Variants in BAZ2B observed in about 807,000 individuals in gnomAD.
BAZ2B encodes bromodomain adjacent to zinc finger domain protein 2B.
BAZ2B carries 91 observed loss-of-function variants against 246.0 expected under a neutral mutation model. The observed-to-expected ratio is 0.37, with a 90% confidence interval of 0.31 to 0.44. BAZ2B has a LOEUF of 0.44. BAZ2B is among the 20% of genes least tolerant of loss of function. The probability of loss-of-function intolerance (pLI) is 1.00; values close to 1 mark genes in which losing one functional copy is unlikely to be tolerated. For missense variants in BAZ2B, 2,332 were observed against 2,533.7 expected (o/e 0.92, Z 1.71); for synonymous variants, 855 against 860.0 (o/e 0.99, Z 0.10).
chr2:159,478,645 C>T lies in BAZ2B; in HGVS notation c.75G>A (p.Val25=), dbSNP rs771877239. The T allele has an allele frequency of 6.2e-7, 1 of 1,611,236 alleles. No homozygotes were observed. The highest frequency in any genetic ancestry group is 8.5e-7 in the Non-Finnish European group (1 of 1,178,334). The stretch of plus-strand genomic sequence containing the variant: ...GGCCACCTTTTGAAACTACTGAAGC[C>T]ACAGAAGGTGTCGAAGATGAAGTTG... ...TTPTSSSTPS[V]ASVVSKGGLS... The change falls in exon 3 of 37, where the codon GTG becomes GTA. Residue 25 remains valine, a synonymous_variant. Transcript: ENST00000392783.
chr2:159,376,401 A>C (rs1037881293), intron 25 of BAZ2B, among the ~76,000 whole-genome samples: 3 of 151,504 alleles, frequency 2.0e-5, no homozygotes, highest in African/African-American at 4.8e-5. Context: ...CTACCCAATG[A>C]AAAAAAAAGT....
rs562382399 is a variant in BAZ2B at position 159,323,149 on chromosome 2, T to TA, written c.6353+1661dup. ...ACAGGCATACACCACCATGCCCAGC[T>TA]AATTTTTGTACTTTTAGTAGAGATG... On this transcript the variant is annotated intron_variant, in intron 36 of 36. Transcript: ENST00000392783. Among the ~76,000 whole-genome samples, 300 of 152,100 alleles carry TA rather than the reference T, an allele frequency of 2.0e-3. 1 individual carries two copies. Among genetic ancestry groups the TA allele is most frequent in the African/African-American group, 7.0e-3 (289 of 41,518 alleles).
intron 18 of BAZ2B, 145 bp from the exon 19 acceptor site, chr2:159,397,534 T>C (rs1414100155): frequency 1.6e-5 from 8 of 486,806 alleles, no homozygotes; most frequent in Middle Eastern, 5.4e-4. Context: ...ATTTTTTATT[T>C]ATAAAATGTC....
chr2:159,348,381 C>T (rs1310013039), intron 30 of BAZ2B, among the ~76,000 whole-genome samples: 1 of 151,018 alleles, frequency 6.6e-6, no homozygotes, highest in African/African-American at 2.4e-5. Flanking sequence ...GTACATCCTC[C>T]CATATGCTTC....
At chr2:159,437,134 G>A (rs1249419361) in intron 8 of BAZ2B, among the ~76,000 whole-genome samples, 1 of 152,170 alleles carries the variant, frequency 6.6e-6, no homozygotes, top group Non-Finnish European at 1.5e-5. Context: ...TGCCCTACAA[G>A]TGATATCTAA....
the BAZ2B span, among the ~76,000 whole-genome samples, chr2:159,628,585 A>C: frequency 6.6e-6 from 1 of 152,242 alleles, no homozygotes; most frequent in African/African-American, 2.4e-5. Flanking sequence ...TTCCCTATTT[A>C]ATAAATGGTG....
At chr2:159,446,656 G>A (rs1443696587) in intron 6 of BAZ2B, 126 bp downstream of exon 6, 27 of 780,748 alleles carry the variant, frequency 3.5e-5, no homozygotes, top group Admixed American at 1.2e-4. Flanking sequence ...CATAAATCAC[G>A]TATCTATAAA....
chr2:159,319,797 C>T lies in BAZ2B; in HGVS notation c.*468G>A, dbSNP rs1010388036. The T allele has an allele frequency of 1.5e-4, 23 of 152,430 alleles. No individual in the cohort carries two copies. The highest frequency in any genetic ancestry group is 5.3e-4 in the African/African-American group (22 of 41,382). 9.4% of individuals were successfully genotyped at this position (152,430 alleles called of 1,614,324 possible). A position where few individuals can be genotyped will look rare whatever the true frequency, so the allele number is the denominator to read the frequency against. ...GCAATTTTCTAGTTCTTCCTTTTCA[C>T]AGAAAACGAAGATTCTGGATGTGGT... On this transcript the variant is annotated 3_prime_UTR_variant, in exon 37 of 37. Transcript: ENST00000392783. The surrounding 1 kb of genome is among the most constrained non-coding windows in gnomAD (Gnocchi z 4.0).
chr2:159,550,339 C>T (rs1478335914), intron 2 of BAZ2B, among the ~76,000 whole-genome samples: 2 of 152,134 alleles, frequency 1.3e-5, no homozygotes, highest in Non-Finnish European at 2.9e-5. Context: ...TTTCTTACTG[C>T]TGCTTTACCC....
intron 2 of BAZ2B, among the ~76,000 whole-genome samples, chr2:159,493,152 G>A (rs2080687071): frequency 6.6e-6 from 1 of 152,064 alleles, no homozygotes; most frequent in Admixed American, 6.5e-5. Context: ...CATACAGCAA[G>A]CAATTCAGAT....
intron 2 of BAZ2B, among the ~76,000 whole-genome samples, chr2:159,495,507 AAAAAAAAAAT>A (rs1559612464): frequency 1.3e-5 from 2 of 149,300 alleles, no homozygotes; most frequent in African/African-American, 2.4e-5. Flanking sequence ...AAAAAAAAAA[AAAAAAAAAAT>A]TTAATATGAA....
intron 1 of BAZ2B, among the ~76,000 whole-genome samples, chr2:159,556,121 TA>T (rs1209334664): frequency 6.6e-6 from 1 of 152,176 alleles, no homozygotes; most frequent in African/African-American, 2.4e-5. Context: ...AGGGTGAACA[TA>T]ACATATTAAA....
At chr2:159,488,381 A>G (rs1040249243) in intron 2 of BAZ2B, among the ~76,000 whole-genome samples, 1 of 152,154 alleles carries the variant, frequency 6.6e-6, no homozygotes, top group African/African-American at 2.4e-5. Flanking sequence ...CAATAATTGG[A>G]TTGCTTTTAA....
intron 3 of BAZ2B, among the ~76,000 whole-genome samples, chr2:159,470,620 C>A (rs1290072038): frequency 6.6e-6 from 1 of 152,104 alleles, no homozygotes; most frequent in East Asian, 1.9e-4. Context: ...CAGACTAGGG[C>A]AGTGGTAGCA....
chr2:159,351,305 A>G (rs2149166257), intron 27 of BAZ2B, among the ~76,000 whole-genome samples: 1 of 152,222 alleles, frequency 6.6e-6, no homozygotes, highest in Admixed American at 6.5e-5. Context: ...TAAACATATA[A>G]CTTCATCATA....
rs2063472067 is a variant in BAZ2B, at chr2:159,325,117, T to TATA, written c.6210-164_6210-163insTAT. Among the ~76,000 whole-genome samples the TATA allele has an allele frequency of 2.1e-3, 7 of 3,398 alleles. 1 individual carries two copies. Among genetic ancestry groups the TATA allele is most frequent in the African/African-American group, 4.6e-3 (7 of 1,534 alleles). The allele number at this position is 3,398 out of a possible 152,430, so 2.2% of individuals were successfully genotyped here. On this transcript the variant is annotated intron_variant, in intron 35 of 36. Transcript: ENST00000392783. ...TTATATATATATATATATATATATT[T>TATA]TATATATATATATATATATATATAT...
intron 1 of BAZ2B, among the ~76,000 whole-genome samples, chr2:159,610,835 A>C (rs1018285515): frequency 2.6e-5 from 4 of 152,040 alleles, no homozygotes; most frequent in African/African-American, 9.7e-5. Context: ...CTATATTTTC[A>C]CCTCATATTC....
chr2:159,438,337 G>C lies in BAZ2B; in HGVS notation c.1259C>G (p.Ser420Cys). The change falls in exon 8 of 37, where the codon TCT becomes TGT. Residue 420 changes from serine (S) to cysteine (C), a missense_variant. Physicochemically the swap from Ser to Cys is moderately radical, Grantham distance 112 (BLOSUM62 -1). Coordinates refer to ENST00000392783, the MANE Select transcript of BAZ2B (RefSeq NM_013450.4). ...TCTCAATTCACTGGTCAATAAACTA[G>C]ATTCTTCAGAGGTATTTTTATTCCC... ...KAGNKNTSEE[S>C]SLLTSELRSK... is the part of the protein sequence containing the mutation. 6.2e-7 allele frequency: 1 copy of C among 1,613,858 alleles called. No individual in the cohort carries two copies. Among genetic ancestry groups the C allele is most frequent in the East Asian group, 2.2e-5 (1 of 44,850 alleles).
In BAZ2B at chr2:159,436,794, A is replaced by T. The variant is rs535720855; in HGVS notation, c.1293+1509T>A. Among the ~76,000 whole-genome samples, 15 of 152,234 alleles carry T rather than the reference A, an allele frequency of 9.9e-5. No individual in the cohort carries two copies. The South Asian group carries it at 2.7e-3, about 27-fold the overall frequency. On this transcript the variant is annotated intron_variant, in intron 8 of 36. Coordinates refer to ENST00000392783, the MANE Select transcript of BAZ2B (RefSeq NM_013450.4). ...AAACAGTTGATAAAAGAAAGCTGAC[A>T]GAAGATCTACAAAATTCTACTCCTG...
Sources: gnomAD v4.1 joint callset for allele counts (sites outside exome capture counted in the v4.1 genomes callset) on GRCh38, gnomAD v4.1.1 for gene constraint, Gnocchi (gnomAD v3.1) non-coding constraint, MANE v1.5 for transcripts, NCBI Gene and HGNC (gene_info 2026-07-23, HGNC 2026-07-21) for gene names.